Variants in ARHGEF18 observed in about 807,000 individuals in gnomAD.
The protein encoded by ARHGEF18 is rho guanine nucleotide exchange factor 18.
Under a neutral mutation model 155.7 loss-of-function variants are expected in ARHGEF18, and 93 were observed. The ratio of observed to expected loss-of-function variants is 0.60; its 90% confidence interval spans 0.50 to 0.71. ARHGEF18 has a LOEUF of 0.71. ARHGEF18 is among the 30% of genes least tolerant of loss of function. The probability of loss-of-function intolerance (pLI) is 0.00; values close to 1 mark genes in which losing one functional copy is unlikely to be tolerated. For synonymous variants in ARHGEF18, 742 were observed against 753.1 expected, an observed-to-expected ratio of 0.99 and a Z score of 0.24; for missense variants, 1,593 against 1,816.1, an observed-to-expected ratio of 0.88 and a Z score of 2.23.
rs1162029061 is a variant in ARHGEF18, at chr19:7,453,699, A to G, written c.2088A>G (p.Thr696=). 2 of 1,570,568 alleles carry G rather than the reference A, an allele frequency of 1.3e-6. No individual in the cohort carries two copies. The highest frequency in any genetic ancestry group is 1.2e-5 in the South Asian group (1 of 85,112). ...HLEGMLCWKT[T]SGRLKDILAI... ...AGGGCATGCTATGCTGGAAGACCAC[A>G]TCAGGGCGCTTGAAAGGTAAAGGCC... The change falls in exon 17 of 29, where the codon ACA becomes ACG. Residue 696 remains threonine, a synonymous_variant. Coordinates refer to ENST00000668164, the MANE Select transcript of ARHGEF18 (RefSeq NM_001367823.1).
Position 7,444,192 on chromosome 19 carries a change from G to C in ARHGEF18, c.1361-12G>C, listed in dbSNP as rs1031038758. 3.7e-6 allele frequency: 6 copies of C among 1,609,394 alleles called. No homozygotes were observed. The highest frequency in any genetic ancestry group is 5.1e-6 in the Non-Finnish European group (6 of 1,176,934). On this transcript the variant is annotated splice_polypyrimidine_tract_variant and intron_variant, in intron 13 of 28. Coordinates refer to ENST00000668164, the MANE Select transcript of ARHGEF18 (RefSeq NM_001367823.1). This position sits in a 1 kb window ranked among gnomAD's most constrained non-coding sequence, Gnocchi z 4.7. ...CCAGCATGGCTAAGTCCTGCCGTCT[G>C]TGTCCCTGCAGAGCTGATGCAGACA...
chr19:7,477,239 G>A (rs1220979420), downstream of ARHGEF18: 1 of 1,548,206 alleles, frequency 6.5e-7, no homozygotes, highest in Admixed American at 2.1e-5. Flanking sequence ...GCCGGCCCGG[G>A]CCGCCTGGTA....
Position 7,409,574 on chromosome 19 carries a change from C to T in ARHGEF18, c.967+26371C>T, listed in dbSNP as rs139213825. On this transcript the variant is annotated intron_variant, in intron 10 of 28. Transcript: ENST00000668164. ...TCCCAAGTAGCTGGGATTACAGGCG[C>T]CTGCCACCACCTCCAGCTAATTTTT... is the stretch of plus-strand genomic sequence containing the variant. Among the ~76,000 whole-genome samples, 287 of 151,240 alleles carry T rather than the reference C, an allele frequency of 1.9e-3. 1 individual carries two copies. The highest frequency in any genetic ancestry group is 6.5e-3 in the African/African-American group (269 of 41,228).
intron 16 of ARHGEF18, 81 bp from the exon 17 acceptor site, chr19:7,453,386 C>G (rs1264014902): frequency 7.0e-7 from 1 of 1,429,226 alleles, no homozygotes; most frequent in Non-Finnish European, 9.4e-7. Flanking sequence ...CATAGATCCA[C>G]ATGTCCATAC....
Position 7,440,272 on chromosome 19 carries a change from G to T in ARHGEF18, c.968-72G>T, listed in dbSNP as rs545780094. ...GTGCTGCGGCCGCAGTCGGAGCGGG[G>T]CTTCCGCGCCGGGGACCTCCGCTAC... On this transcript the variant is annotated intron_variant, in intron 10 of 28. Transcript: ENST00000668164. This position sits in a 1 kb window ranked among gnomAD's most constrained non-coding sequence, Gnocchi z 5.4. 47 of 1,561,528 alleles carry T rather than the reference G, an allele frequency of 3.0e-5. No individual in the cohort carries two copies. In the African/African-American group the frequency reaches 6.4e-4, roughly 21 times the overall value.
At chr19:7,393,164 T>C (rs1233986537) in intron 10 of ARHGEF18, among the ~76,000 whole-genome samples, 1 of 150,318 alleles carries the variant, frequency 6.7e-6, no homozygotes, top group Non-Finnish European at 1.5e-5. Flanking sequence ...CGTGTTAGAG[T>C]TTCTGACCTC....
chr19:7,394,834 G>C (rs578111950), intron 10 of ARHGEF18, among the ~76,000 whole-genome samples: 316 of 151,056 alleles, frequency 2.1e-3, no homozygotes, highest in Non-Finnish European at 2.9e-3. Context: ...TCCCCTCAGA[G>C]CCCCCGGCCC....
chr19:7,357,707 T>C (rs567263214), intron 1 of ARHGEF18, among the ~76,000 whole-genome samples: 25 of 152,214 alleles, frequency 1.6e-4, no homozygotes, highest in African/African-American at 5.8e-4. Context: ...GCTCTGTAAT[T>C]GGCTGTCTGG....
At chr19:7,478,408 C>G in the ARHGEF18 span, 2 of 1,591,304 alleles carry the variant, frequency 1.3e-6, no homozygotes, top group African/African-American at 2.7e-5. Flanking sequence ...GAGGATGCCC[C>G]GGCGGGGAGC....
intron 17 of ARHGEF18, 45 bp from the exon 18 acceptor site, chr19:7,456,282 G>C: frequency 6.3e-7 from 1 of 1,593,172 alleles, no homozygotes; most frequent in South Asian, 1.1e-5. Flanking sequence ...AAGACCTCCT[G>C]GCTATGGGAC....
chr19:7,478,256 G>C, the ARHGEF18 span: 2 of 1,570,740 alleles, frequency 1.3e-6, no homozygotes, highest in South Asian at 1.2e-5. Context: ...CTGCGAGCCG[G>C]GATCCCACGC....
chr19:7,463,777 C>G lies in ARHGEF18; in HGVS notation c.2636-41C>G. 1.3e-6 allele frequency: 2 copies of G among 1,564,704 alleles called. No homozygotes were observed. Among genetic ancestry groups the G allele is most frequent in the Non-Finnish European group, 1.7e-6 (2 of 1,154,106 alleles). ...CGCTCCGTATTCCCCCAGCACACTT[C>G]CGCAGGGCGACCCGTGCCTCCTGTC... is the stretch of plus-strand genomic sequence containing the variant. On this transcript the variant is annotated intron_variant, in intron 21 of 28. Coordinates refer to ENST00000668164, the MANE Select transcript of ARHGEF18 (RefSeq NM_001367823.1). This position sits in a 1 kb window ranked among gnomAD's most constrained non-coding sequence, Gnocchi z 5.2.
chr19:7,474,254 G>A (rs369703206), downstream of ARHGEF18, among the ~76,000 whole-genome samples: 8 of 151,950 alleles, frequency 5.3e-5, no homozygotes, highest in East Asian at 3.9e-4. Context: ...CAAGAGAAGC[G>A]GTTGAACCCG....
downstream of ARHGEF18, among the ~76,000 whole-genome samples, chr19:7,475,104 G>A (rs1012990747): frequency 3.9e-5 from 6 of 152,098 alleles, no homozygotes; most frequent in East Asian, 1.9e-4. Flanking sequence ...ATGCTTGGGC[G>A]TGCCTGTAGT....
rs538953444 is a variant in ARHGEF18, at chr19:7,440,128, G to A, written c.968-216G>A. On this transcript the variant is annotated intron_variant, in intron 10 of 28. Transcript: ENST00000668164. The surrounding 1 kb of genome is among the most constrained non-coding windows in gnomAD (Gnocchi z 5.4). ...ATGGGGAATGCGCACTCCAAAAGCG[G>A]GGACAGGCACAGCGCGCTCCCCGGC... is the stretch of plus-strand genomic sequence containing the variant. The A allele has an allele frequency of 6.4e-7, 1 of 1,551,146 alleles. No individual in the cohort carries two copies. Among genetic ancestry groups the A allele is most frequent in the Non-Finnish European group, 8.7e-7 (1 of 1,146,866 alleles).
At chr19:7,416,870 T>C (rs967105064) in intron 10 of ARHGEF18, among the ~76,000 whole-genome samples, 9 of 152,076 alleles carry the variant, frequency 5.9e-5, no homozygotes, top group Non-Finnish European at 8.8e-5. Flanking sequence ...CCCAAAGTGT[T>C]GGGATTACAG....
intron 2 of ARHGEF18, among the ~76,000 whole-genome samples, chr19:7,365,955 T>A (rs999080603): frequency 5.9e-5 from 9 of 151,364 alleles, no homozygotes; most frequent in South Asian, 2.1e-4. Flanking sequence ...CACATATGTA[T>A]TTTTTTTTGA....
chr19:7,402,194 G>A (rs1214806166), intron 10 of ARHGEF18, among the ~76,000 whole-genome samples: 1 of 152,164 alleles, frequency 6.6e-6, no homozygotes, highest in Non-Finnish European at 1.5e-5. Context: ...GCCAAGACGG[G>A]CAGATCACAA....
intron 14 of ARHGEF18, 75 bp from the exon 15 acceptor site, chr19:7,446,968 C>T (rs890467873): frequency 7.0e-5 from 104 of 1,496,148 alleles, no homozygotes; most frequent in South Asian, 1.2e-5. Context: ...TTTTAGCAGA[C>T]TCAGACGAAT....
Sources: gnomAD v4.1 joint callset for allele counts (sites outside exome capture counted in the v4.1 genomes callset) on GRCh38, gnomAD v4.1.1 for gene constraint, Gnocchi (gnomAD v3.1) non-coding constraint, MANE v1.5 for transcripts, NCBI Gene and HGNC (gene_info 2026-07-23, HGNC 2026-07-21) for gene names.